VWDE: variants seen among roughly 807,000 people sequenced by gnomAD.
The protein encoded by VWDE is von Willebrand factor D and EGF domains.
A neutral mutation model predicts 178.4 loss-of-function variants in VWDE; 207 were observed. That is an observed-to-expected ratio of 1.16 (90% CI 1.04 to 1.30). The LOEUF (loss-of-function observed/expected upper bound fraction) is 1.30. VWDE is among the 50% of genes most tolerant of loss of function. The probability of loss-of-function intolerance (pLI) is 0.00; values close to 1 mark genes in which losing one functional copy is unlikely to be tolerated. For synonymous variants in VWDE, 738 were observed against 651.4 expected (o/e 1.13, Z -2.02); for missense variants, 2,287 against 1,901.3 (o/e 1.20, Z -3.77).
rs1782318628 is a variant in VWDE, at chr7:12,357,468, A to T, written c.3322T>A (p.Phe1108Ile). 1 of 1,551,988 alleles carries T rather than the reference A, an allele frequency of 6.4e-7. No individual in the cohort carries two copies. Among genetic ancestry groups the T allele is most frequent in the Non-Finnish European group, 8.7e-7 (1 of 1,147,106 alleles). ...IQALQDKLQT[F>I]YGENFEYQFV... Reference sequence around the variant, plus strand: ...TGATACTCAAAGTTTTCACCATAAAATGTCTGTAATTTGTCTTGCAATGCT... The same window carrying T: ...TGATACTCAAAGTTTTCACCATAAATTGTCTGTAATTTGTCTTGCAATGCT... Residue 1108 changes from phenylalanine (F) to isoleucine (I), a missense_variant, in exon 17 of 29, where the codon TTT (phenylalanine) becomes ATT (isoleucine). Phe to Ile is a conservative substitution (Grantham distance 21). Transcript: ENST00000275358.
intron 18 of VWDE, among the ~76,000 whole-genome samples, chr7:12,355,474 T>A (rs1167904455): frequency 2.0e-5 from 3 of 151,942 alleles, no homozygotes; most frequent in Non-Finnish European, 4.4e-5. Flanking sequence ...TGCTCAGTTC[T>A]ACTGTATTGT....
chr7:12,385,048 AAAT>A (rs1479634263), intron 3 of VWDE, among the ~76,000 whole-genome samples: 1 of 152,172 alleles, frequency 6.6e-6, no homozygotes, highest in African/African-American at 2.4e-5. Context: ...TCTTCTAAAT[AAAT>A]AATATTTCAA....
rs1268182537 is a variant in VWDE at position 12,380,711 on chromosome 7, T to C, written c.564A>G (p.Pro188=). The C allele has an allele frequency of 6.4e-7, 1 of 1,551,734 alleles. No individual in the cohort carries two copies. ...CCTCTGGCCTTCCTGCAGGTGGAGG[T>C]GGCAATGAGGCAGCCAGCTGACCTG... is the stretch of plus-strand genomic sequence containing the variant. ...DCVRQLAASL[P]PPPAGRPEVL... is the part of the protein sequence containing the mutation. Residue 188 remains proline, a synonymous_variant, in exon 5 of 29, where the codon CCA becomes CCG. Coordinates refer to ENST00000275358, the MANE Select transcript of VWDE (RefSeq NM_001135924.3).
intron 23 of VWDE, among the ~76,000 whole-genome samples, 165 bp downstream of exon 23, chr7:12,341,894 G>T (rs995333217): frequency 6.6e-6 from 1 of 152,086 alleles, no homozygotes; most frequent in African/African-American, 2.4e-5. Flanking sequence ...AAAAACAAAG[G>T]GAATGAAGAT....
Position 12,357,329 on chromosome 7 carries a change from G to A in VWDE, c.3461C>T (p.Thr1154Ile), listed in dbSNP as rs1187946014. ...GLFMWKTDLLTTQQITVRLND... is the reference protein window; with the variant it reads ...GLFMWKTDLLITQQITVRLND... ...AAGGCGTACAGTAATTTGTTGGGTAGTTAGTAAATCTGTTTTCCACATAAA... is the reference window on the plus strand; with the variant it reads ...AAGGCGTACAGTAATTTGTTGGGTAATTAGTAAATCTGTTTTCCACATAAA... The change falls in exon 17 of 29, where the codon ACT (threonine) becomes ATT (isoleucine). Residue 1154 changes from threonine to isoleucine, a missense_variant. Coordinates refer to ENST00000275358, the MANE Select transcript of VWDE (RefSeq NM_001135924.3). 1 of 1,552,186 alleles carries A rather than the reference G, an allele frequency of 6.4e-7. No individual in the cohort carries two copies. Among genetic ancestry groups the A allele is most frequent in the Admixed American group, 2.0e-5 (1 of 51,008 alleles).
rs1043929444 is a variant in VWDE, at chr7:12,357,403, A to G, written c.3387T>C (p.Phe1129=). The change falls in exon 17 of 29, where the codon TTT becomes TTC. Residue 1129 remains phenylalanine, a synonymous_variant. Transcript: ENST00000275358. The part of the protein sequence containing the change: ...AFDPEGSDIH[F]TLDSGPEGAS... ...CCCCTTCAGGACCAGAGTCCAACGT[A>G]AAATGGATGTCAGAACCTTCTGGAT... 1.9e-6 allele frequency: 3 copies of G among 1,551,888 alleles called. No homozygotes were observed. The African/African-American group carries it at 4.1e-5, about 21-fold the overall frequency.
intron 1 of VWDE, among the ~76,000 whole-genome samples, chr7:12,396,378 A>G (rs1396322306): frequency 1.4e-4 from 21 of 152,244 alleles, no homozygotes; most frequent in Admixed American, 1.4e-3. Flanking sequence ...GGTGACAGGT[A>G]CTTCATAATA....
intron 9 of VWDE, 102 bp from the exon 10 acceptor site, chr7:12,373,349 T>A (rs1783321712): frequency 8.0e-7 from 1 of 1,243,588 alleles, no homozygotes; most frequent in East Asian, 2.5e-5. Context: ...CATTTTGTTG[T>A]ATGCACTGAA....
At position 12,357,377 on chromosome 7, in the gene VWDE, G is replaced by C; in HGVS notation, c.3413C>G (p.Ala1138Gly). ...HFTLDSGPEG[A>G]SVSSAGLFMW... is the part of the protein sequence containing the mutation. Reference sequence around the variant, plus strand: ...AAAAAGCCCTGCAGAGGAAACACTTGCCCCTTCAGGACCAGAGTCCAACGT... The same window carrying C: ...AAAAAGCCCTGCAGAGGAAACACTTCCCCCTTCAGGACCAGAGTCCAACGT... Residue 1138 changes from alanine (A) to glycine (G), a missense_variant, in exon 17 of 29, where the codon GCA (alanine) becomes GGA (glycine). Coordinates refer to ENST00000275358, the MANE Select transcript of VWDE (RefSeq NM_001135924.3). 6.4e-7 allele frequency: 1 copy of C among 1,551,906 alleles called. No homozygotes were observed. Among genetic ancestry groups the C allele is most frequent in the South Asian group, 1.2e-5 (1 of 84,062 alleles).
chr7:12,352,232 T>G (rs1781982361), intron 18 of VWDE, among the ~76,000 whole-genome samples: 1 of 152,190 alleles, frequency 6.6e-6, no homozygotes, highest in Non-Finnish European at 1.5e-5. Context: ...TCAGTTGAAT[T>G]CACCCACCCG....
intron 3 of VWDE, among the ~76,000 whole-genome samples, chr7:12,386,723 C>T (rs1173222204): frequency 1.3e-5 from 2 of 152,140 alleles, no homozygotes; most frequent in Admixed American, 6.6e-5. Context: ...GGTGACGCTT[C>T]ATTATATATT....
intron 1 of VWDE, among the ~76,000 whole-genome samples, chr7:12,394,404 AG>A (rs1382689879): frequency 6.6e-6 from 1 of 152,134 alleles, no homozygotes; most frequent in African/African-American, 2.4e-5. Context: ...GCAGGTTTGA[AG>A]GGGAAACAAG....
At chr7:12,394,714 C>G (rs1480419629) in intron 1 of VWDE, among the ~76,000 whole-genome samples, 1 of 152,002 alleles carries the variant, frequency 6.6e-6, no homozygotes, top group East Asian at 1.9e-4. Context: ...TCTTCAAATA[C>G]TTATATTATA....
intron 21 of VWDE, 28 bp downstream of exon 21, chr7:12,344,167 A>T: frequency 1.9e-6 from 3 of 1,538,668 alleles, no homozygotes; most frequent in Non-Finnish European, 1.8e-6. Flanking sequence ...TTTAGGCCTT[A>T]TATTTGATTT....
intron 2 of VWDE, among the ~76,000 whole-genome samples, chr7:12,393,142 T>C (rs550140876): frequency 1.3e-5 from 2 of 152,252 alleles, no homozygotes; most frequent in African/African-American, 2.4e-5. Context: ...AGAAATGAAG[T>C]GACAGGTAAC....
intron 19 of VWDE, among the ~76,000 whole-genome samples, chr7:12,349,397 A>G (rs1781802405): frequency 6.6e-6 from 1 of 151,440 alleles, no homozygotes; most frequent in Non-Finnish European, 1.5e-5. Context: ...TAAAAACTAA[A>G]TGTAAAATAT....
intron 12 of VWDE, among the ~76,000 whole-genome samples, chr7:12,368,327 T>C (rs1782973375): frequency 6.6e-6 from 1 of 151,650 alleles, no homozygotes; most frequent in Admixed American, 6.6e-5. Flanking sequence ...TTAAGAGAGA[T>C]TAAGACCATG....
chr7:12,361,146 C>T lies in VWDE; in HGVS notation c.3159+1G>A. The T allele has an allele frequency of 2.0e-6, 3 of 1,501,572 alleles. No individual in the cohort carries two copies. Among genetic ancestry groups the T allele is most frequent in the Non-Finnish European group, 1.8e-6 (2 of 1,104,988 alleles). The allele number at this position is 1,501,572 out of a possible 1,614,324, so 93.0% of individuals were successfully genotyped here. A position where few individuals can be genotyped will look rare whatever the true frequency, so the allele number is the denominator to read the frequency against. ...TGAAAATACATGAAAAAAATACATACCTTTATAGTACATGAGTCATTTTTA... is the reference window on the plus strand; with the variant it reads ...TGAAAATACATGAAAAAAATACATATCTTTATAGTACATGAGTCATTTTTA... On this transcript the variant is annotated splice_donor_variant, in intron 15 of 28. Coordinates refer to ENST00000275358, the MANE Select transcript of VWDE (RefSeq NM_001135924.3). LOFTEE classifies it high-confidence loss of function.
rs986994973 is a variant in VWDE, at chr7:12,375,831, G to A, written c.1025-604C>T. Among the ~76,000 whole-genome samples the A allele has an allele frequency of 3.3e-5, 5 of 151,656 alleles. No homozygotes were observed. The South Asian group carries it at 8.3e-4, about 25-fold the overall frequency. On this transcript the variant is annotated intron_variant, in intron 7 of 28. Coordinates refer to ENST00000275358, the MANE Select transcript of VWDE (RefSeq NM_001135924.3). The stretch of plus-strand genomic sequence containing the variant: ...CAACCTTGAGATGCTCCCTCGCTTC[G>A]ATAACAAAGAAAAAATAATTTGGAA...
Sources: allele counts gnomAD v4.1 joint callset (sites outside exome capture counted in the v4.1 genomes callset), GRCh38; gene constraint gnomAD v4.1.1; transcripts MANE v1.5; gene names NCBI Gene and HGNC (gene_info 2026-07-23, HGNC 2026-07-21).